PGC: variants seen among roughly 807,000 people sequenced by gnomAD.
The protein encoded by PGC is progastricsin, also known as gastricsin.
Under a neutral mutation model 45.9 loss-of-function variants are expected in PGC, and 31 were observed. The ratio of observed to expected loss-of-function variants is 0.67; its 90% CI spans 0.51 to 0.91. The LOEUF is 0.91. Ranked by LOEUF, PGC falls within the 40% of genes least tolerant of loss-of-function variation. The pLI is 0.00. For missense variants in PGC, 477 were observed against 493.2 expected, an observed-to-expected ratio of 0.97 and a Z score of 0.31; for synonymous variants, 192 against 201.8, an observed-to-expected ratio of 0.95 and a Z score of 0.41.
intron 5 of PGC, 84 bp downstream of exon 5, chr6:41,742,206 A>T: frequency 1.6e-6 from 2 of 1,283,934 alleles, no homozygotes; most frequent in Non-Finnish European, 2.2e-6. Context: ...TCCAAACCCC[A>T]AAGCATTGAG....
Position 41,742,490 on chromosome 6 carries a change from C to T in PGC, c.448-1G>A, listed in dbSNP as rs747981247. The T allele has an allele frequency of 9.9e-6, 16 of 1,613,668 alleles. No individual in the cohort carries two copies. Among genetic ancestry groups the T allele is most frequent in the Non-Finnish European group, 1.3e-5 (15 of 1,179,720 alleles). ...GGTTGGGGACCTGGATGCTCTGGAC[C>T]TAATGGAGACACAAACGAGGGGAGG... On this transcript the variant is annotated splice_acceptor_variant, in intron 4 of 8. Coordinates refer to ENST00000373025, the MANE Select transcript of PGC (RefSeq NM_002630.4). LOFTEE classifies it high-confidence loss of function.
rs778258581 is a variant in PGC, at chr6:41,744,372, C to A, written c.328+25G>T. 5.9e-6 allele frequency: 9 copies of A among 1,532,320 alleles called. No homozygotes were observed. In the African/African-American group the frequency reaches 1.1e-4, roughly 19 times the overall value. 94.9% of individuals were successfully genotyped at this position (1,532,320 alleles called of 1,614,324 possible). ...TCAGTGCCTTGCCCTGCCAACCACCCCTCTCTGCCCAGCCCAGCACTCACT... is the reference window on the plus strand; with the variant it reads ...TCAGTGCCTTGCCCTGCCAACCACCACTCTCTGCCCAGCCCAGCACTCACT... On this transcript the variant is annotated intron_variant, in intron 3 of 8. Coordinates refer to ENST00000373025, the MANE Select transcript of PGC (RefSeq NM_002630.4). The surrounding 1 kb of genome is among the most constrained non-coding windows in gnomAD (Gnocchi z 4.4).
At chr6:41,737,867 C>A (rs1255001514) in intron 7 of PGC, 39 bp from the exon 8 acceptor site, 3 of 1,191,948 alleles carry the variant, frequency 2.5e-6, no homozygotes, top group South Asian at 2.5e-5. Context: ...TCATCCTCCC[C>A]CTGATAGCAC....
At chr6:41,747,238 C>A (rs1201707409) in intron 1 of PGC, 38 bp downstream of exon 1, 2 of 1,590,746 alleles carry the variant, frequency 1.3e-6, no homozygotes, top group South Asian at 1.1e-5. Flanking sequence ...AGGCTCCCAT[C>A]CAGGCTCCCT....
intron 1 of PGC, among the ~76,000 whole-genome samples, chr6:41,746,275 G>A (rs866314371): frequency 4.6e-5 from 7 of 152,300 alleles, no homozygotes; most frequent in Admixed American, 2.0e-4. Context: ...ATGGAGCAAC[G>A]GCAACAGCAC....
chr6:41,741,713 A>C, intron 5 of PGC: 1 of 860,328 alleles, frequency 1.2e-6, no homozygotes, highest in South Asian at 1.5e-5. Context: ...AAAGAAAAGC[A>C]GGCCCCAGGC....
At chr6:41,743,430 G>T in intron 3 of PGC, 41 bp from the exon 4 acceptor site, 1 of 1,270,216 alleles carries the variant, frequency 7.9e-7, no homozygotes, top group Non-Finnish European at 1.2e-6. Context: ...GCCGGCTGGG[G>T]CAGGGCTGCT....
intron 8 of PGC, among the ~76,000 whole-genome samples, chr6:41,737,274 A>G (rs533895008): frequency 3.3e-5 from 5 of 152,300 alleles, no homozygotes; most frequent in East Asian, 1.9e-4. Flanking sequence ...CCTGCTCCCA[A>G]TTTGGAGCAG....
chr6:41,741,322 T>A lies in PGC; in HGVS notation c.648-712A>T, dbSNP rs528576163. 3.5e-6 allele frequency: 4 copies of A among 1,139,514 alleles called. No individual in the cohort carries two copies. In the South Asian group the frequency reaches 5.1e-5, roughly 14 times the overall value. The allele number at this position is 1,139,514 out of a possible 1,614,324, so 70.6% of individuals were successfully genotyped here. On this transcript the variant is annotated intron_variant, in intron 5 of 8. Transcript: ENST00000373025. ...TCCTTGAACTTCAGATTCCCCAGAT[T>A]AGTCCAATGAAGCTAACTGTCTCTA...
At chr6:41,742,944 G>A (rs938546109) in intron 4 of PGC, among the ~76,000 whole-genome samples, 1 of 152,194 alleles carries the variant, frequency 6.6e-6, no homozygotes, top group Non-Finnish European at 1.5e-5. Flanking sequence ...CTTGACAGGT[G>A]TTGCAGGAGC....
chr6:41,741,799 C>A lies in PGC; in HGVS notation c.647+491G>T, dbSNP rs74742298. 1,436 of 1,536,182 alleles carry A rather than the reference C, an allele frequency of 9.3e-4. 22 individuals are homozygous for A. The East Asian group carries it at 0.03, about 32-fold the overall frequency. Reference sequence around the variant, plus strand: ...GTTGACTGGCAAGGATAACAACCTGCTAGGGGTCAGCAGTGGACCTAGACC... The same window carrying A: ...GTTGACTGGCAAGGATAACAACCTGATAGGGGTCAGCAGTGGACCTAGACC... On this transcript the variant is annotated intron_variant, in intron 5 of 8. Transcript: ENST00000373025.
intron 1 of PGC, among the ~76,000 whole-genome samples, chr6:41,745,681 C>G (rs1771919220): frequency 6.6e-6 from 1 of 151,604 alleles, no homozygotes; most frequent in Non-Finnish European, 1.5e-5. Context: ...TCCTGAGTAG[C>G]TGGGATTACA....
At chr6:41,740,761 C>T (rs1005998731) in intron 5 of PGC, 151 bp from the exon 6 acceptor site, 10 of 1,447,860 alleles carry the variant, frequency 6.9e-6, no homozygotes, top group Admixed American at 5.5e-5. Context: ...CAGACTGGGG[C>T]TCCCTGAGGA....
In PGC at chr6:41,744,914, ACT is replaced by A; in HGVS notation, c.60-108_60-107del. 2.1e-6 allele frequency: 2 copies of A among 963,186 alleles called. No individual in the cohort carries two copies. Among genetic ancestry groups the A allele is most frequent in the East Asian group, 2.7e-5 (1 of 37,392 alleles). 59.7% of individuals were successfully genotyped at this position (963,186 alleles called of 1,614,324 possible). A position where few individuals can be genotyped will look rare whatever the true frequency, so the allele number is the denominator to read the frequency against. ...AACTGCATGCTTCAACCTCCCTGCC[ACT>A]CTGTTTGTTCCCCCTTGTCTGTGTG... On this transcript the variant is annotated intron_variant, in intron 1 of 8. Transcript: ENST00000373025. The surrounding 1 kb of genome is among the most constrained non-coding windows in gnomAD (Gnocchi z 4.4).
chr6:41,741,847 G>A (rs1360272122), intron 5 of PGC: 2 of 1,533,424 alleles, frequency 1.3e-6, no homozygotes, highest in East Asian at 2.4e-5. Flanking sequence ...GACCAGGCTA[G>A]AACAATAGAT....
Position 41,747,306 on chromosome 6 carries a change from C to T in PGC, c.29G>A (p.Cys10Tyr), listed in dbSNP as rs749055257. MKWMVVVLV[C>Y]LQLLEAAVVK... ...CACTGCTGCCTCCAAGAGCTGGAGG[C>T]AGACCAAGACCACCACCATCCACTT... The change falls in exon 1 of 9, where the codon TGC (cysteine) becomes TAC (tyrosine). Residue 10 changes from cysteine (C) to tyrosine (Y), a missense_variant. By Grantham distance (194) the Cys-to-Tyr change is radical. Transcript: ENST00000373025. The T allele has an allele frequency of 1.9e-6, 3 of 1,613,926 alleles. No individual in the cohort carries two copies. The highest frequency in any genetic ancestry group is 2.7e-5 in the African/African-American group (2 of 74,924).
In PGC at chr6:41,739,806, T is replaced by C. The variant is rs1271514856; in HGVS notation, c.908A>G (p.Tyr303Cys). 6.2e-7 allele frequency: 1 copy of C among 1,613,398 alleles called. No individual in the cohort carries two copies. The highest frequency in any genetic ancestry group is 1.3e-5 in the African/African-American group (1 of 74,916). The change falls in exon 7 of 9, where the codon TAT (tyrosine) becomes TGT (cysteine). Residue 303 changes from tyrosine to cysteine, a missense_variant. By Grantham distance (194) the Tyr-to-Cys change is radical. Coordinates refer to ENST00000373025, the MANE Select transcript of PGC (RefSeq NM_002630.4). ...LQATGAQEDE[Y>C]GQFLVNCNSI... is the part of the protein sequence containing the mutation. ...CACCCTCACCAGTCACACCTGTCCA[T>C]ACTCATCCTCCTGGGCCCCTGTGGC...
chr6:41,743,394 A>AGGGGAGTCAGGGCAT lies in PGC; in HGVS notation c.329-20_329-6dup, dbSNP rs1418659990. ...GGTTGAAGCGGGAGTGACTGGCTGC[A>AGGGGAGTCAGGGCAT]GGGGAGTCAGGGCATGGGGAGTCAG... On this transcript the variant is annotated splice_polypyrimidine_tract_variant and splice_region_variant and intron_variant, in intron 3 of 8. Coordinates refer to ENST00000373025, the MANE Select transcript of PGC (RefSeq NM_002630.4). 6.3e-7 allele frequency: 1 copy of AGGGGAGTCAGGGCAT among 1,575,016 alleles called. No homozygotes were observed. The highest frequency in any genetic ancestry group is 1.3e-5 in the African/African-American group (1 of 74,182).
chr6:41,743,348 A>G lies in PGC; in HGVS notation c.370T>C (p.Ser124Pro). ...AGGGAGAAGGTCTGCCCATTGGTGG[A>G]GTAGGTGGACGACTCGCTGGGGTTG... ...RFNPSESSTYSTNGQTFSLQY... is the reference protein window; with the variant it reads ...RFNPSESSTYPTNGQTFSLQY... Residue 124 changes from serine (S) to proline (P), a missense_variant, in exon 4 of 9, where the codon TCC becomes CCC. Coordinates refer to ENST00000373025, the MANE Select transcript of PGC (RefSeq NM_002630.4). 6.2e-7 allele frequency: 1 copy of G among 1,614,058 alleles called. No homozygotes were observed. Among genetic ancestry groups the G allele is most frequent in the Non-Finnish European group, 8.5e-7 (1 of 1,179,938 alleles).
Sources: allele counts gnomAD v4.1 joint callset (sites outside exome capture counted in the v4.1 genomes callset), GRCh38; gene constraint gnomAD v4.1.1; non-coding constraint Gnocchi (gnomAD v3.1); transcripts MANE v1.5; gene names NCBI Gene and HGNC (gene_info 2026-07-23, HGNC 2026-07-21).